HEATR5B: variants seen among roughly 807,000 people sequenced by gnomAD.
The protein encoded by HEATR5B is HEAT repeat containing 5B.
In HEATR5B, 156 loss-of-function variants were observed where a neutral mutation model predicts 224.1. That is an observed-to-expected ratio of 0.70 (90% CI 0.61 to 0.80). HEATR5B has a LOEUF of 0.80. Ranked by LOEUF, HEATR5B falls within the 30% of genes least tolerant of loss-of-function variation. HEATR5B has a pLI of 0.00. For synonymous variants in HEATR5B, 1,027 were observed against 893.0 expected (o/e 1.15, Z -2.68); for missense variants, 2,323 against 2,535.5 (o/e 0.92, Z 1.80).
intron 5 of HEATR5B, among the ~76,000 whole-genome samples, chr2:37,073,796 CT>C (rs1264776483): frequency 6.6e-6 from 1 of 152,074 alleles, no homozygotes; most frequent in Non-Finnish European, 1.5e-5. Context: ...CAAACCTAGA[CT>C]GGGCAAAACA....
At chr2:37,073,064 C>T (rs973749914) in intron 5 of HEATR5B, among the ~76,000 whole-genome samples, 9 of 152,150 alleles carry the variant, frequency 5.9e-5, no homozygotes, top group African/African-American at 2.2e-4. Context: ...CCAACTCTTC[C>T]AGAAAACTGA....
chr2:36,989,484 C>A (rs982797357), intron 34 of HEATR5B, among the ~76,000 whole-genome samples: 1 of 152,054 alleles, frequency 6.6e-6, no homozygotes, highest in Non-Finnish European at 1.5e-5. Context: ...CCCATTTTAA[C>A]CAAATATATT....
intron 34 of HEATR5B, among the ~76,000 whole-genome samples, chr2:36,989,801 A>T (rs954569889): frequency 6.6e-6 from 1 of 152,206 alleles, no homozygotes; most frequent in Non-Finnish European, 1.5e-5. Flanking sequence ...GGCTAGACAC[A>T]AGAAAAACCT....
chr2:37,028,986 G>A lies in HEATR5B; in HGVS notation c.3362-66C>T. The A allele has an allele frequency of 2.0e-6, 3 of 1,494,430 alleles. No individual in the cohort carries two copies. The Admixed American group carries it at 5.7e-5, about 28-fold the overall frequency. 92.6% of individuals were successfully genotyped at this position (1,494,430 alleles called of 1,614,324 possible). A position where few individuals can be genotyped will look rare whatever the true frequency, so the allele number is the denominator to read the frequency against. On this transcript the variant is annotated intron_variant, in intron 22 of 35. Coordinates refer to ENST00000233099, the MANE Select transcript of HEATR5B (RefSeq NM_019024.3). ...GGTGTACGCTATAGGTAACAATTAT[G>A]ATAAAGACCAAGTCTTACATATAAA...
At chr2:37,026,652 A>G (rs1188742149) in intron 24 of HEATR5B, among the ~76,000 whole-genome samples, 1 of 152,074 alleles carries the variant, frequency 6.6e-6, no homozygotes. Flanking sequence ...TTTTTCTTCT[A>G]TGTATCCCTA....
Position 37,058,536 on chromosome 2 carries a change from A to G in HEATR5B, c.1974T>C (p.His658=). 1.2e-6 allele frequency: 2 copies of G among 1,611,244 alleles called. No individual in the cohort carries two copies. The highest frequency in any genetic ancestry group is 1.7e-6 in the Non-Finnish European group (2 of 1,177,398). ...CAGCACTAGCTTTCAGATGAGCTCCATGGGCTTTCATTACAGATGGAATGC... is the reference window on the plus strand; with the variant it reads ...CAGCACTAGCTTTCAGATGAGCTCCGTGGGCTTTCATTACAGATGGAATGC... ...MSHIPSVMKA[H]GAHLKASAAM... Residue 658 remains histidine (H), a synonymous_variant, in exon 14 of 36, where the codon CAT becomes CAC. Transcript: ENST00000233099.
intron 27 of HEATR5B, among the ~76,000 whole-genome samples, chr2:37,012,617 T>C (rs1220972321): frequency 2.0e-5 from 3 of 152,182 alleles, no homozygotes; most frequent in Non-Finnish European, 4.4e-5. Context: ...CTCGAACTCC[T>C]GACCTCAGGT....
At chr2:37,011,988 C>T (rs1190894376) in intron 27 of HEATR5B, among the ~76,000 whole-genome samples, 1 of 152,010 alleles carries the variant, frequency 6.6e-6, no homozygotes, top group African/African-American at 2.4e-5. Flanking sequence ...TATATTGCTA[C>T]CTGCAATATA....
intron 26 of HEATR5B, among the ~76,000 whole-genome samples, chr2:37,017,851 A>T (rs1668220897): frequency 6.6e-6 from 1 of 152,224 alleles, no homozygotes; most frequent in South Asian, 2.1e-4. Context: ...TGTACATTTT[A>T]AAATTTTATG....
intron 9 of HEATR5B, among the ~76,000 whole-genome samples, chr2:37,065,295 C>T (rs1019533525): frequency 1.3e-5 from 2 of 151,722 alleles, no homozygotes; most frequent in Non-Finnish European, 2.9e-5. Context: ...TTTATTTAAC[C>T]ATTTAATTCA....
intron 24 of HEATR5B, among the ~76,000 whole-genome samples, chr2:37,026,419 C>G (rs1668777828): frequency 6.6e-6 from 1 of 152,158 alleles, no homozygotes; most frequent in Non-Finnish European, 1.5e-5. Flanking sequence ...AAAACTAATG[C>G]CACCAGTCTC....
rs542135498 is a variant in HEATR5B at position 37,041,855 on chromosome 2, A to G, written c.2697-563T>C. On this transcript the variant is annotated intron_variant, in intron 18 of 35. Transcript: ENST00000233099. ...ATTTGACAACTCATTTTTAATATTAATTATTCCTTGAAAAGCCAAGACTTA... is the reference window on the plus strand; with the variant it reads ...ATTTGACAACTCATTTTTAATATTAGTTATTCCTTGAAAAGCCAAGACTTA... Among the ~76,000 whole-genome samples the G allele has an allele frequency of 2.6e-5, 4 of 151,746 alleles. No individual in the cohort carries two copies. In the East Asian group the frequency reaches 7.7e-4, roughly 29 times the overall value.
chr2:36,996,839 G>A (rs556712300), intron 33 of HEATR5B, among the ~76,000 whole-genome samples: 2 of 152,126 alleles, frequency 1.3e-5, no homozygotes, highest in African/African-American at 4.8e-5. Context: ...TGATCCACCC[G>A]CCTCAGCCTC....
At chr2:37,060,977 A>G (rs2287106) in intron 11 of HEATR5B, among the ~76,000 whole-genome samples, 3 of 152,184 alleles carry the variant, frequency 2.0e-5, no homozygotes, top group African/African-American at 7.2e-5. Flanking sequence ...TAAACTGTCA[A>G]TATTTTTAGA....
At chr2:36,987,848 C>T (rs555329840) in intron 35 of HEATR5B, among the ~76,000 whole-genome samples, 2 of 152,172 alleles carry the variant, frequency 1.3e-5, no homozygotes, top group Admixed American at 6.5e-5. Context: ...GCAGGTGGAT[C>T]GCTTGAGTCC....
Position 37,020,774 on chromosome 2 carries a change from G to C in HEATR5B, c.3916C>G (p.His1306Asp). ...IRMAFMAATD[H>D]SNQLRMAGLQ... Reference sequence around the variant, plus strand: ...CCAGCCATTCGCAGCTGGTTGCTATGATCAGTTGCAGCCATGAATGCCATG... The same window carrying C: ...CCAGCCATTCGCAGCTGGTTGCTATCATCAGTTGCAGCCATGAATGCCATG... Residue 1306 changes from histidine (H) to aspartate (D), a missense_variant, in exon 25 of 36, where the codon CAT becomes GAT. Physicochemically the swap from His to Asp is moderately conservative, Grantham distance 81. Around this residue, in one of 12 missense-constraint regions of HEATR5B, gnomAD observed 339 missense variants for 378.4 expected, o/e 0.90. Transcript: ENST00000233099. 6.2e-7 allele frequency: 1 copy of C among 1,608,142 alleles called. No homozygotes were observed. The highest frequency in any genetic ancestry group is 8.5e-7 in the Non-Finnish European group (1 of 1,178,712).
intron 21 of HEATR5B, among the ~76,000 whole-genome samples, chr2:37,037,406 G>C (rs961992148): frequency 3.3e-5 from 5 of 151,820 alleles, no homozygotes; most frequent in African/African-American, 9.7e-5. Flanking sequence ...GCCTCCCAAA[G>C]TGCTGGGATT....
chr2:36,992,629 C>T (rs1666407809), intron 33 of HEATR5B, among the ~76,000 whole-genome samples: 1 of 152,094 alleles, frequency 6.6e-6, no homozygotes, highest in African/African-American at 2.4e-5. Flanking sequence ...ACCCTGAAAA[C>T]CCCATCATAG....
chr2:37,056,420 C>G lies in HEATR5B; in HGVS notation c.2399+20G>C, dbSNP rs1670916234. 6.5e-7 allele frequency: 1 copy of G among 1,526,916 alleles called. No homozygotes were observed. The highest frequency in any genetic ancestry group is 2.2e-5 in the Admixed American group (1 of 45,170). The allele number at this position is 1,526,916 out of a possible 1,614,324, so 94.6% of individuals were successfully genotyped here. On this transcript the variant is annotated intron_variant, in intron 16 of 35. Coordinates refer to ENST00000233099, the MANE Select transcript of HEATR5B (RefSeq NM_019024.3). Reference sequence around the variant, plus strand: ...ATAATATATATTTAACAAAAATTACCTGATTGACTTTATACTAACCGGTGT... The same window carrying G: ...ATAATATATATTTAACAAAAATTACGTGATTGACTTTATACTAACCGGTGT...
Sources: gnomAD v4.1 joint callset for allele counts (sites outside exome capture counted in the v4.1 genomes callset) on GRCh38, gnomAD v4.1.1 for gene constraint, gnomAD v4.1.1 regional missense constraint, MANE v1.5 for transcripts, NCBI Gene and HGNC (gene_info 2026-07-23, HGNC 2026-07-21) for gene names.